The following DCDC2 variants were observed in gnomAD, a reference collection of about 807,000 sequenced individuals.
DCDC2 encodes the protein doublecortin domain containing 2, also known as doublecortin domain-containing protein 2.
DCDC2 carries 40 observed loss-of-function variants against 50.2 expected under a neutral mutation model. The observed-to-expected ratio is 0.80, with a 90% confidence interval of 0.62 to 1.04. The LOEUF is 1.04. DCDC2 is among the 50% of genes least tolerant of loss of function. The pLI is 0.00. For missense variants in DCDC2, 570 were observed against 581.9 expected (o/e 0.98, Z 0.21); for synonymous variants, 234 against 210.6 (o/e 1.11, Z -0.96).
chr6:24,355,220 G>A (rs764800799), intron 1 of DCDC2, among the ~76,000 whole-genome samples: 6 of 151,910 alleles, frequency 3.9e-5, no homozygotes, highest in Non-Finnish European at 8.8e-5. Flanking sequence ...AAAATAACAT[G>A]CAAATCTCTT....
intron 7 of DCDC2, among the ~76,000 whole-genome samples, chr6:24,223,982 C>T (rs921791112): frequency 6.6e-6 from 1 of 152,186 alleles, no homozygotes; most frequent in Non-Finnish European, 1.5e-5. Flanking sequence ...CATCCTTGGT[C>T]TTTCTCTTAA....
chr6:24,342,919 T>G (rs1179509478), intron 2 of DCDC2, among the ~76,000 whole-genome samples: 2 of 152,214 alleles, frequency 1.3e-5, no homozygotes, highest in Non-Finnish European at 2.9e-5. Flanking sequence ...ACTCTTTTCA[T>G]GTATCTTACC....
rs950204958 is a variant in DCDC2, at chr6:24,174,466, G to A, written c.*264C>T. The A allele has an allele frequency of 3.6e-5, 9 of 251,546 alleles. No homozygotes were observed. The highest frequency in any genetic ancestry group is 2.0e-4 in the African/African-American group (9 of 44,986). The allele number at this position is 251,546 out of a possible 1,614,324, so 15.6% of individuals were successfully genotyped here. A position where few individuals can be genotyped will look rare whatever the true frequency, so the allele number is the denominator to read the frequency against. On this transcript the variant is annotated 3_prime_UTR_variant, in exon 10 of 10. Coordinates refer to ENST00000378454, the MANE Select transcript of DCDC2 (RefSeq NM_016356.5). Reference sequence around the variant, plus strand: ...TTTTCATCCTTTACAAGTGGCAATTGTCTTCCAGTGCAAATTCTCCTCTGT... The same window carrying A: ...TTTTCATCCTTTACAAGTGGCAATTATCTTCCAGTGCAAATTCTCCTCTGT...
intron 5 of DCDC2, among the ~76,000 whole-genome samples, 185 bp from the exon 6 acceptor site, chr6:24,289,091 C>A (rs997442350): frequency 6.6e-6 from 1 of 152,198 alleles, no homozygotes; most frequent in Non-Finnish European, 1.5e-5. Context: ...CAAATTCCAT[C>A]CCAAAAGATT....
chr6:24,318,509 T>G (rs1296416561), intron 2 of DCDC2, among the ~76,000 whole-genome samples: 1 of 152,124 alleles, frequency 6.6e-6, no homozygotes, highest in Non-Finnish European at 1.5e-5. Flanking sequence ...ACTGGAATAA[T>G]GTACAATGTA....
chr6:24,177,056 G>A (rs972786584), intron 9 of DCDC2, among the ~76,000 whole-genome samples: 3 of 152,112 alleles, frequency 2.0e-5, no homozygotes, highest in African/African-American at 4.8e-5. Flanking sequence ...AAATCATGTT[G>A]GATCTTACTA....
Position 24,174,445 on chromosome 6 carries a change from C to A in DCDC2, c.*285G>T. The A allele has an allele frequency of 5.3e-6, 1 of 189,844 alleles. No individual in the cohort carries two copies. The highest frequency in any genetic ancestry group is 9.4e-6 in the Non-Finnish European group (1 of 105,860). 11.8% of individuals were successfully genotyped at this position (189,844 alleles called of 1,614,324 possible). On this transcript the variant is annotated 3_prime_UTR_variant, in exon 10 of 10. Transcript: ENST00000378454. ...GTACAATAAGAGTGATCCTATTTTTCATCCTTTACAAGTGGCAATTGTCTT... is the reference window on the plus strand; with the variant it reads ...GTACAATAAGAGTGATCCTATTTTTAATCCTTTACAAGTGGCAATTGTCTT...
At position 24,245,274 on chromosome 6, in the gene DCDC2, G is replaced by C. The variant is rs1395231111; in HGVS notation, c.922+32775C>G. Among the ~76,000 whole-genome samples the C allele has an allele frequency of 4.6e-5, 7 of 152,248 alleles. No individual in the cohort carries two copies. The South Asian group carries it at 1.2e-3, about 27-fold the overall frequency. On this transcript the variant is annotated intron_variant, in intron 7 of 9. Coordinates refer to ENST00000378454, the MANE Select transcript of DCDC2 (RefSeq NM_016356.5). ...AGGAAATGGACAGAAACTTAGGTTC[G>C]AGCGGCTGGGAGCTAGGATTTTAAG...
intron 7 of DCDC2, among the ~76,000 whole-genome samples, chr6:24,258,192 C>T (rs1762933588): frequency 6.6e-6 from 1 of 152,088 alleles, no homozygotes; most frequent in Non-Finnish European, 1.5e-5. Context: ...GGAGCAGCAG[C>T]AAGATTTATT....
chr6:24,332,809 A>G (rs1381383320), intron 2 of DCDC2, among the ~76,000 whole-genome samples: 1 of 152,196 alleles, frequency 6.6e-6, no homozygotes, highest in Non-Finnish European at 1.5e-5. Flanking sequence ...AAACACACAC[A>G]CACATATTTC....
At chr6:24,368,870 G>A in the DCDC2 span, among the ~76,000 whole-genome samples, 2 of 152,128 alleles carry the variant, frequency 1.3e-5, no homozygotes, top group African/African-American at 2.4e-5. Context: ...TAAGCCAGGC[G>A]TGGCTGTAAT....
At chr6:24,273,785 C>T (rs1266879474) in intron 7 of DCDC2, among the ~76,000 whole-genome samples, 2 of 152,218 alleles carry the variant, frequency 1.3e-5, no homozygotes, top group Non-Finnish European at 2.9e-5. Context: ...TGGGGCGATG[C>T]AGGCAAACCA....
At chr6:24,293,473 AT>A (rs1763795774) in intron 4 of DCDC2, among the ~76,000 whole-genome samples, 1 of 152,210 alleles carries the variant, frequency 6.6e-6, no homozygotes, top group Admixed American at 6.5e-5. Flanking sequence ...CTGCCATTAC[AT>A]TAAGAATTTC....
the DCDC2 span, among the ~76,000 whole-genome samples, chr6:24,376,033 A>AAAAAAC: frequency 3.3e-5 from 5 of 151,954 alleles, no homozygotes; most frequent in South Asian, 2.1e-4. Flanking sequence ...TCCTGGAAAA[A>AAAAAAC]AAAAAACAAA....
intron 7 of DCDC2, among the ~76,000 whole-genome samples, chr6:24,221,176 C>A (rs1762110864): frequency 6.6e-6 from 1 of 152,146 alleles, no homozygotes; most frequent in African/African-American, 2.4e-5. Flanking sequence ...ACCTTGATTA[C>A]CTGAGTTTTA....
intron 2 of DCDC2, among the ~76,000 whole-genome samples, chr6:24,352,554 G>T (rs183969109): frequency 1.1e-4 from 16 of 152,210 alleles, no homozygotes; most frequent in Admixed American, 1.0e-3. Context: ...TCTAGGAAGG[G>T]TACCTCTTTC....
At chr6:24,369,100 C>T in the DCDC2 span, among the ~76,000 whole-genome samples, 2 of 140,402 alleles carry the variant, frequency 1.4e-5, no homozygotes, top group Non-Finnish European at 3.0e-5. Context: ...TGCCACTGCA[C>T]TCCAGCCTGG....
intron 7 of DCDC2, among the ~76,000 whole-genome samples, chr6:24,275,888 T>TTTTA (rs1554115434): frequency 2.0e-5 from 3 of 147,350 alleles, no homozygotes; most frequent in South Asian, 2.1e-4. Flanking sequence ...TTTTTTTTTT[T>TTTTA]AGGCAGGGTC....
At chr6:24,338,650 T>C (rs1318105826) in intron 2 of DCDC2, among the ~76,000 whole-genome samples, 1 of 152,156 alleles carries the variant, frequency 6.6e-6, no homozygotes, top group African/African-American at 2.4e-5. Flanking sequence ...GTTGGTTTTA[T>C]TTATTTAATT....
Sources: allele counts gnomAD v4.1 joint callset (sites outside exome capture counted in the v4.1 genomes callset), GRCh38; gene constraint gnomAD v4.1.1; transcripts MANE v1.5; gene names NCBI Gene and HGNC (gene_info 2026-07-23, HGNC 2026-07-21).